Variants in RASSF4 observed in about 807,000 individuals in gnomAD.
The protein encoded by RASSF4 is ras association domain-containing protein 4.
RASSF4 carries 38 observed loss-of-function variants against 41.1 expected under a neutral mutation model. The observed-to-expected ratio is 0.92, with a 90% CI of 0.71 to 1.21. The LOEUF (loss-of-function observed/expected upper bound fraction) is 1.21. Among genes scored for constraint, RASSF4 ranks in the 50% most tolerant of loss-of-function variants. RASSF4 has a pLI of 0.00. For missense variants in RASSF4, 414 were observed against 419.4 expected, an observed-to-expected ratio of 0.99 and a Z score of 0.11; for synonymous variants, 179 against 163.4, an observed-to-expected ratio of 1.10 and a Z score of -0.73.
At chr10:44,980,551 C>T (rs373129597) in intron 3 of RASSF4, among the ~76,000 whole-genome samples, 20 of 152,316 alleles carry the variant, frequency 1.3e-4, no homozygotes, top group East Asian at 9.6e-4. Context: ...GCCAAGCCCC[C>T]GACCTTGTCC....
rs1841856606 is a variant in RASSF4, at chr10:44,984,840, C to A, written c.401C>A (p.Pro134His). Residue 134 changes from proline to histidine, a missense_variant, in exon 6 of 11, where the codon CCC becomes CAC. Coordinates refer to ENST00000340258, the MANE Select transcript of RASSF4 (RefSeq NM_032023.4). ...SGPLEEAEEA[P>H]QLMRTKSDAS... Reference sequence around the variant, plus strand: ...CCCCTGGAGGAGGCAGAGGAGGCCCCCCAGCTGATGCGGACCAAGAGCGAC... The same window carrying A: ...CCCCTGGAGGAGGCAGAGGAGGCCCACCAGCTGATGCGGACCAAGAGCGAC... 6.2e-7 allele frequency: 1 copy of A among 1,613,682 alleles called. No homozygotes were observed. Among genetic ancestry groups the A allele is most frequent in the Admixed American group, 1.7e-5 (1 of 60,034 alleles).
intron 1 of RASSF4, among the ~76,000 whole-genome samples, chr10:44,965,363 G>A (rs1331473724): frequency 2.0e-5 from 3 of 152,210 alleles, no homozygotes; most frequent in African/African-American, 7.2e-5. Context: ...GATCTGGAAA[G>A]GGGAGGGGGC....
At chr10:44,962,226 C>T (rs527786931) in intron 1 of RASSF4, among the ~76,000 whole-genome samples, 1 of 152,382 alleles carries the variant, frequency 6.6e-6, no homozygotes, top group African/African-American at 2.4e-5. Context: ...ATGCAAGGCT[C>T]TACAACGTTC....
intron 6 of RASSF4, among the ~76,000 whole-genome samples, chr10:44,986,449 T>TACTCAGCCAGACAACATGGGG (rs1841924493): frequency 1.3e-5 from 2 of 152,240 alleles, no homozygotes; most frequent in Admixed American, 6.5e-5. Context: ...CAAGAAGAGC[T>TACTCAGCCAGACAACATGGGG]ACTCAGCCAG....
intron 3 of RASSF4, among the ~76,000 whole-genome samples, chr10:44,973,111 C>T (rs1841250546): frequency 6.6e-6 from 1 of 152,212 alleles, no homozygotes; most frequent in African/African-American, 2.4e-5. Context: ...CACTCTGCCT[C>T]CTTGACCTGC....
intron 6 of RASSF4, among the ~76,000 whole-genome samples, chr10:44,988,855 TGTGATC>T (rs1842008885): frequency 6.6e-6 from 1 of 152,240 alleles, no homozygotes; most frequent in African/African-American, 2.4e-5. Context: ...GCTGATATGG[TGTGATC>T]AGTGCCTCTA....
chr10:44,966,504 A>G (rs919680986), intron 1 of RASSF4, among the ~76,000 whole-genome samples: 1 of 152,188 alleles, frequency 6.6e-6, no homozygotes, highest in Non-Finnish European at 1.5e-5. Flanking sequence ...TAGTGAAAGT[A>G]CACACTCAAG....
chr10:44,969,099 C>CAT (rs1418394999), intron 1 of RASSF4, among the ~76,000 whole-genome samples: 3 of 111,694 alleles, frequency 2.7e-5, no homozygotes, highest in Non-Finnish European at 6.3e-5. Flanking sequence ...ATTGTGTATG[C>CAT]GTGTGTTTTT....
At chr10:44,970,140 T>G (rs1841088751) in intron 1 of RASSF4, 25 bp from the exon 2 acceptor site, 1 of 1,438,438 alleles carries the variant, frequency 7.0e-7, no homozygotes, top group Non-Finnish European at 9.8e-7. Flanking sequence ...CTCACCTGTC[T>G]GTCCACCCTT....
At chr10:44,980,139 C>T (rs1255560117) in intron 3 of RASSF4, among the ~76,000 whole-genome samples, 1 of 152,144 alleles carries the variant, frequency 6.6e-6, no homozygotes, top group Non-Finnish European at 1.5e-5. Flanking sequence ...AGACCCCAGA[C>T]TCCCTAGGCA....
chr10:44,994,523 T>C lies in RASSF4; in HGVS notation c.*1194T>C, dbSNP rs952223387. ...TCCTTACGGGTGCCCATCAAGAGCATAGCTTGGAAGCCACCATGCTGTGCG... is the reference window on the plus strand; with the variant it reads ...TCCTTACGGGTGCCCATCAAGAGCACAGCTTGGAAGCCACCATGCTGTGCG... On this transcript the variant is annotated 3_prime_UTR_variant, in exon 11 of 11. Coordinates refer to ENST00000340258, the MANE Select transcript of RASSF4 (RefSeq NM_032023.4). The C allele has an allele frequency of 5.3e-5, 8 of 152,288 alleles. No individual in the cohort carries two copies. Among genetic ancestry groups the C allele is most frequent in the African/African-American group, 1.9e-4 (8 of 41,424 alleles). 9.4% of individuals were successfully genotyped at this position (152,288 alleles called of 1,614,324 possible). A position where few individuals can be genotyped will look rare whatever the true frequency, so the allele number is the denominator to read the frequency against.
chr10:44,977,141 G>A (rs1370095049), intron 3 of RASSF4: 4 of 434,572 alleles, frequency 9.2e-6, no homozygotes, highest in Non-Finnish European at 1.6e-5. Context: ...GAACACAGAT[G>A]TTAAGTAAGT....
chr10:44,971,814 A>G lies in RASSF4; in HGVS notation c.104A>G (p.His35Arg). ...CTGCTGAAAACCTACAACTGCTACC[A>G]TGAGGGCAAGAGCTTCCAGCTGAGA... ...LGLLKTYNCYHEGKSFQLRHR... is the reference protein window; with the variant it reads ...LGLLKTYNCYREGKSFQLRHR... The change falls in exon 3 of 11, where the codon CAT becomes CGT. Residue 35 changes from histidine (H) to arginine (R), a missense_variant. Transcript: ENST00000340258. 3.7e-6 allele frequency: 6 copies of G among 1,613,472 alleles called. No homozygotes were observed. Among genetic ancestry groups the G allele is most frequent in the Non-Finnish European group, 3.4e-6 (4 of 1,179,550 alleles).
chr10:44,973,877 A>G (rs990427352), intron 3 of RASSF4, among the ~76,000 whole-genome samples: 4 of 152,236 alleles, frequency 2.6e-5, no homozygotes, highest in African/African-American at 9.7e-5. Context: ...GACAGCCCTT[A>G]ATGATAGAAA....
intron 3 of RASSF4, among the ~76,000 whole-genome samples, chr10:44,974,978 A>C (rs905305147): frequency 2.0e-5 from 3 of 152,254 alleles, no homozygotes; most frequent in African/African-American, 7.2e-5. Context: ...ATCTCAAAAG[A>C]AAAAAGGACC....
intron 1 of RASSF4, among the ~76,000 whole-genome samples, chr10:44,965,337 C>T (rs1352057044): frequency 1.3e-5 from 2 of 152,152 alleles, no homozygotes; most frequent in African/African-American, 4.8e-5. Context: ...CTCAGTCTCT[C>T]CTGGATGTGG....
At chr10:44,971,424 G>A (rs1345298291) in intron 2 of RASSF4, 1 of 488,828 alleles carries the variant, frequency 2.0e-6, no homozygotes, top group East Asian at 5.5e-5. Flanking sequence ...GCAAGTCCAG[G>A]GCATTTACTG....
intron 1 of RASSF4, among the ~76,000 whole-genome samples, chr10:44,963,509 G>A (rs951013879): frequency 5.9e-5 from 9 of 152,124 alleles, no homozygotes; most frequent in Admixed American, 2.6e-4. Context: ...CTGGCAATTC[G>A]AATGTGGTAG....
intron 10 of RASSF4, 134 bp downstream of exon 10, chr10:44,992,136 C>T (rs1842137945): frequency 1.6e-6 from 1 of 613,872 alleles, no homozygotes; most frequent in African/African-American, 1.8e-5. Flanking sequence ...GCCTGCTAAC[C>T]CTAGCTCCCC....
Sources: gnomAD v4.1 joint callset for allele counts (sites outside exome capture counted in the v4.1 genomes callset) on GRCh38, gnomAD v4.1.1 for gene constraint, MANE v1.5 for transcripts, NCBI Gene and HGNC (gene_info 2026-07-23, HGNC 2026-07-21) for gene names.